LMAN2: variants seen among roughly 807,000 people sequenced by gnomAD.
LMAN2 encodes the protein vesicular integral-membrane protein VIP36.
In LMAN2, 22 loss-of-function variants were observed where a neutral mutation model predicts 39.3. The ratio of observed to expected loss-of-function variants is 0.56; its 90% CI spans 0.40 to 0.80. The LOEUF is 0.80. LMAN2 is among the 30% of genes least tolerant of loss of function. The pLI, the probability that LMAN2 is intolerant of heterozygous loss-of-function variation, is 0.00. For missense variants in LMAN2, 494 were observed against 505.4 expected, an observed-to-expected ratio of 0.98 and a Z score of 0.22; for synonymous variants, 207 against 207.8, an observed-to-expected ratio of 1.00 and a Z score of 0.03.
rs531081172 is a variant in LMAN2 at position 177,346,620 on chromosome 5, T to C, written c.315+4553A>G. ...GCCTCAAAACATATAAAACAGAAAC[T>C]GACAGAACTACAAAGATGCAGACAA... is the stretch of plus-strand genomic sequence containing the variant. On this transcript the variant is annotated intron_variant, in intron 2 of 7. Coordinates refer to ENST00000303127, the MANE Select transcript of LMAN2 (RefSeq NM_006816.3). 2.6e-5 allele frequency among the ~76,000 whole-genome samples: 4 copies of C among 152,224 alleles called. No homozygotes were observed. The East Asian group carries it at 7.7e-4, about 29-fold the overall frequency.
At chr5:177,344,515 C>T (rs967014399) in intron 2 of LMAN2, among the ~76,000 whole-genome samples, 2 of 150,834 alleles carry the variant, frequency 1.3e-5, no homozygotes, top group African/African-American at 2.4e-5. Context: ...CTCCTGACCT[C>T]GTGATCCACC....
At chr5:177,336,946 C>T (rs1761482291) in intron 6 of LMAN2, 190 bp downstream of exon 6, 1 of 601,716 alleles carries the variant, frequency 1.7e-6, no homozygotes, top group Non-Finnish European at 2.9e-6. Flanking sequence ...GGAGGAGGAA[C>T]ACAGCCAGGT....
At chr5:177,335,142 T>C (rs1183537336) in intron 6 of LMAN2, among the ~76,000 whole-genome samples, 2 of 152,126 alleles carry the variant, frequency 1.3e-5, no homozygotes, top group African/African-American at 4.8e-5. Context: ...GGAGCAGGAA[T>C]CTCTGGAGCC....
At chr5:177,343,296 G>T (rs1330195815) in intron 2 of LMAN2, among the ~76,000 whole-genome samples, 2 of 152,164 alleles carry the variant, frequency 1.3e-5, no homozygotes, top group East Asian at 3.8e-4. Context: ...AGGATGTGGA[G>T]AAATTGGAAT....
chr5:177,340,479 T>C (rs1302891566), intron 2 of LMAN2, among the ~76,000 whole-genome samples: 3 of 152,218 alleles, frequency 2.0e-5, no homozygotes, highest in South Asian at 2.1e-4. Context: ...TTGTTCTCCT[T>C]AAAAACAGAG....
In LMAN2 at chr5:177,332,215, G is replaced by T; in HGVS notation, c.942C>A (p.Arg314=). The part of the protein sequence containing the change: ...DNVDDPTGNF[R]SGPLTGWRVF... Reference sequence around the variant, plus strand: ...CCCGCCACCCCGTCAGGGGCCCGCTGCGGAAGTTCCCCGTGGGGTCGTCCA... The same window carrying T: ...CCCGCCACCCCGTCAGGGGCCCGCTTCGGAAGTTCCCCGTGGGGTCGTCCA... Residue 314 remains arginine, a synonymous_variant, in exon 8 of 8, where the codon CGC becomes CGA. Coordinates refer to ENST00000303127, the MANE Select transcript of LMAN2 (RefSeq NM_006816.3). This position sits in a 1 kb window ranked among gnomAD's most constrained non-coding sequence, Gnocchi z 6.3. 2 of 1,613,180 alleles carry T rather than the reference G, an allele frequency of 1.2e-6. No homozygotes were observed.
chr5:177,349,732 T>C (rs1761693895), intron 2 of LMAN2, among the ~76,000 whole-genome samples: 1 of 152,238 alleles, frequency 6.6e-6, no homozygotes, highest in Non-Finnish European at 1.5e-5. Flanking sequence ...ACTGAACTCA[T>C]TTCCATGAAA....
intron 2 of LMAN2, among the ~76,000 whole-genome samples, chr5:177,348,226 CA>C (rs1428266943): frequency 6.6e-6 from 1 of 151,934 alleles, no homozygotes; most frequent in Non-Finnish European, 1.5e-5. Flanking sequence ...TAATCTCAAA[CA>C]AAATATTAAA....
At chr5:177,334,638 C>T (rs1365485172) in intron 6 of LMAN2, 3 of 462,754 alleles carry the variant, frequency 6.5e-6, no homozygotes, top group Non-Finnish European at 1.2e-5. Flanking sequence ...CAAGCAGAAT[C>T]ATCTGGGTCT....
chr5:177,351,268 G>A lies in LMAN2; in HGVS notation c.220C>T (p.Leu74Phe), dbSNP rs757734723. The change falls in exon 2 of 8, where the codon CTC becomes TTC. Residue 74 changes from leucine (L) to phenylalanine (F), a missense_variant. Coordinates refer to ENST00000303127, the MANE Select transcript of LMAN2 (RefSeq NM_006816.3). ...YQGVGSSSMP[L>F]WDFQGSTMLT... Reference sequence around the variant, plus strand: ...ATAGTGCTGCCCTGGAAGTCCCAGAGGGGCATAGAGCTGGAACCGACCCCT... The same window carrying A: ...ATAGTGCTGCCCTGGAAGTCCCAGAAGGGCATAGAGCTGGAACCGACCCCT... 2 of 1,614,104 alleles carry A rather than the reference G, an allele frequency of 1.2e-6. No homozygotes were observed. The highest frequency in any genetic ancestry group is 2.2e-5 in the East Asian group (1 of 44,882).
At chr5:177,341,193 A>G (rs1333839427) in intron 2 of LMAN2, among the ~76,000 whole-genome samples, 1 of 150,314 alleles carries the variant, frequency 6.7e-6, no homozygotes, top group Non-Finnish European at 1.5e-5. Flanking sequence ...CAGCCTCCTG[A>G]GGAGCTGGGA....
chr5:177,348,687 CAAAAAAAAAAAAA>C (rs35269220), intron 2 of LMAN2, among the ~76,000 whole-genome samples: 10 of 33,878 alleles, frequency 3.0e-4, no homozygotes, highest in East Asian at 1.1e-3. Flanking sequence ...GACTCTGTCT[CAAAAAAAAAAAAA>C]AAAAAAAAAA....
Position 177,351,456 on chromosome 5 carries a change from G to C in LMAN2, c.192C>G (p.Tyr64Ter). ...TTCCCGCCCCAAGGGCTTCACCTTG[G>C]TAGGGCTTAATGAGCGAATGCTCCC... is the stretch of plus-strand genomic sequence containing the variant. ...LKREHSLIKP[Y>*]QGVGSSSMPL... The change falls in exon 1 of 8, where the codon TAC becomes TAG. Residue 64 changes from tyrosine to a stop codon, truncating the protein, a stop_gained. Coordinates refer to ENST00000303127, the MANE Select transcript of LMAN2 (RefSeq NM_006816.3). LOFTEE classifies it high-confidence loss of function. 6.2e-7 allele frequency: 1 copy of C among 1,613,036 alleles called. No individual in the cohort carries two copies. The highest frequency in any genetic ancestry group is 8.5e-7 in the Non-Finnish European group (1 of 1,179,410).
rs941505316 is a variant in LMAN2 at position 177,337,687 on chromosome 5, G to A, written c.513+19C>T. 3.5e-5 allele frequency: 57 copies of A among 1,612,580 alleles called. No homozygotes were observed. The East Asian group carries it at 1.2e-3, about 35-fold the overall frequency. ...CCAGTCCTTCCTTTCCTGCTCAGCA[G>A]GATAGAGCAGGGGCCTACCTCAGTG... On this transcript the variant is annotated intron_variant, in intron 4 of 7. Transcript: ENST00000303127. This position sits in a 1 kb window ranked among gnomAD's most constrained non-coding sequence, Gnocchi z 8.2.
Position 177,337,089 on chromosome 5 carries a change from T to G in LMAN2, c.790+47A>C. The G allele has an allele frequency of 1.4e-6, 2 of 1,431,648 alleles. No homozygotes were observed. Among genetic ancestry groups the G allele is most frequent in the Non-Finnish European group, 2.0e-6 (2 of 1,022,340 alleles). The allele number at this position is 1,431,648 out of a possible 1,614,324, so 88.7% of individuals were successfully genotyped here. ...AACTGCATGGAAAGCTCCCAGTCCC[T>G]CAGGGTGAGCTGGGCTGGGAACCAA... On this transcript the variant is annotated intron_variant, in intron 6 of 7. Transcript: ENST00000303127. The surrounding 1 kb of genome is among the most constrained non-coding windows in gnomAD (Gnocchi z 8.2).
At chr5:177,340,863 T>TAGTTGGGA (rs1761541044) in intron 2 of LMAN2, among the ~76,000 whole-genome samples, 1 of 150,908 alleles carries the variant, frequency 6.6e-6, no homozygotes, top group Non-Finnish European at 1.5e-5. Context: ...CACGCCATTC[T>TAGTTGGGA]CCTGCCTCAG....
In LMAN2 at chr5:177,344,671, C is replaced by T. The variant is rs981968084; in HGVS notation, c.316-6066G>A. Among the ~76,000 whole-genome samples, 11 of 151,294 alleles carry T rather than the reference C, an allele frequency of 7.3e-5. No homozygotes were observed. The South Asian group carries it at 1.0e-3, about 14-fold the overall frequency. ...CTGTAATCCCAGCACTTTGGGAGGC[C>T]GAGGCAGGCAGATCACCTGAGGTCA... On this transcript the variant is annotated intron_variant, in intron 2 of 7. Coordinates refer to ENST00000303127, the MANE Select transcript of LMAN2 (RefSeq NM_006816.3).
intron 6 of LMAN2, 132 bp from the exon 7 acceptor site, chr5:177,334,535 G>T (rs530899623): frequency 1.7e-6 from 2 of 1,196,586 alleles, no homozygotes; most frequent in African/African-American, 1.5e-5. Context: ...GCACTGCCCA[G>T]CCGGCTAGGG....
intron 2 of LMAN2, among the ~76,000 whole-genome samples, chr5:177,349,501 G>C (rs1258876402): frequency 6.6e-6 from 1 of 152,146 alleles, no homozygotes. Context: ...GAGGAAGGAA[G>C]GCAAAACAAT....
Sources: allele counts gnomAD v4.1 joint callset (sites outside exome capture counted in the v4.1 genomes callset), GRCh38; gene constraint gnomAD v4.1.1; non-coding constraint Gnocchi (gnomAD v3.1); transcripts MANE v1.5; gene names NCBI Gene and HGNC (gene_info 2026-07-23, HGNC 2026-07-21).